RNLS: variants seen among roughly 807,000 people sequenced by gnomAD.
RNLS encodes renalase, FAD dependent amine oxidase.
RNLS carries 39 observed loss-of-function variants against 39.8 expected under a neutral mutation model. That is an observed-to-expected ratio of 0.98 (90% CI 0.76 to 1.28). The LOEUF is 1.28. Among genes scored for constraint, RNLS ranks in the 50% most tolerant of loss-of-function variants. RNLS has a pLI of 0.00. For missense variants in RNLS, 410 were observed against 413.3 expected, an observed-to-expected ratio of 0.99 and a Z score of 0.07; for synonymous variants, 147 against 150.7, an observed-to-expected ratio of 0.98 and a Z score of 0.18.
At chr10:88,345,811 G>A (rs1471897962) in intron 5 of RNLS, among the ~76,000 whole-genome samples, 1 of 152,104 alleles carries the variant, frequency 6.6e-6, no homozygotes, top group Non-Finnish European at 1.5e-5. Flanking sequence ...ACATGAAAAT[G>A]CTGATATTGG....
At chr10:88,201,991 A>T in the RNLS span, among the ~76,000 whole-genome samples, 1 of 152,152 alleles carries the variant, frequency 6.6e-6, no homozygotes, top group Non-Finnish European at 1.5e-5. Context: ...ATAAAGACAC[A>T]TGCACACGTA....
chr10:88,560,971 C>CACAT (rs912766482), intron 4 of RNLS, among the ~76,000 whole-genome samples: 1 of 151,292 alleles, frequency 6.6e-6, no homozygotes, highest in African/African-American at 2.4e-5. Context: ...CACACACACA[C>CACAT]ACATACACAC....
chr10:88,570,041 T>C (rs1849734495), intron 4 of RNLS, among the ~76,000 whole-genome samples: 1 of 152,166 alleles, frequency 6.6e-6, no homozygotes, highest in South Asian at 2.1e-4. Flanking sequence ...ACCAAACTTG[T>C]ATTAAAATGC....
chr10:88,583,236 G>A lies in RNLS; in HGVS notation c.-46C>T. 6.2e-7 allele frequency: 1 copy of A among 1,606,350 alleles called. No individual in the cohort carries two copies. Among genetic ancestry groups the A allele is most frequent in the Non-Finnish European group, 8.5e-7 (1 of 1,177,450 alleles). ...CGCGCTGAGTCTCTGCGGCGGGGCC[G>A]TTCGGCCCGGGCTTTCTGGAAAGGC... On this transcript the variant is annotated 5_prime_UTR_variant, in exon 1 of 7. It adds an upstream start codon to the 5' untranslated region. Transcript: ENST00000331772.
rs1843132708 is a variant in RNLS, at chr10:88,284,381, G to A, written c.*973C>T. ...TTGCTTTTCAAATTAGCAACAGGTA[G>A]CTGGTTTGGAAGGCTGGAGATTGAT... On this transcript the variant is annotated 3_prime_UTR_variant, in exon 7 of 7. Coordinates refer to ENST00000331772, the MANE Select transcript of RNLS (RefSeq NM_001031709.3). 2 of 985,258 alleles carry A rather than the reference G, an allele frequency of 2.0e-6. No individual in the cohort carries two copies. Among genetic ancestry groups the A allele is most frequent in the African/African-American group, 3.5e-5 (2 of 57,222 alleles). The allele number at this position is 985,258 out of a possible 1,614,324, so 61.0% of individuals were successfully genotyped here.
At chr10:88,179,049 C>G in the RNLS span, among the ~76,000 whole-genome samples, 10 of 152,220 alleles carry the variant, frequency 6.6e-5, no homozygotes, top group Non-Finnish European at 1.5e-4. Context: ...GAGATGTCAT[C>G]TCTAAAAAAA....
chr10:88,551,129 G>A lies in RNLS; in HGVS notation c.526+21774C>T, dbSNP rs143919936. Among the ~76,000 whole-genome samples, 13 of 152,204 alleles carry A rather than the reference G, an allele frequency of 8.5e-5. No individual in the cohort carries two copies. In the East Asian group the frequency reaches 9.6e-4, roughly 11 times the overall value. ...AGCTGTCCACCTCCTTAACTGCGCC[G>A]TCTCTTCTTCGTGCCTGATGTCCCC... is the stretch of plus-strand genomic sequence containing the variant. On this transcript the variant is annotated intron_variant, in intron 4 of 6. Transcript: ENST00000331772.
At chr10:88,263,806 GTCT>G in the RNLS span, among the ~76,000 whole-genome samples, 27 of 152,050 alleles carry the variant, frequency 1.8e-4, no homozygotes, top group East Asian at 1.2e-3. Flanking sequence ...TAATGGCAAT[GTCT>G]TCTTCTTCTT....
chr10:88,264,473 C>T, the RNLS span, among the ~76,000 whole-genome samples: 1 of 151,490 alleles, frequency 6.6e-6, no homozygotes, highest in Non-Finnish European at 1.5e-5. Flanking sequence ...CACATCCCCA[C>T]CAACATCTAT....
the RNLS span, among the ~76,000 whole-genome samples, chr10:88,225,036 A>G: frequency 6.6e-6 from 1 of 152,242 alleles, no homozygotes; most frequent in Admixed American, 6.5e-5. Flanking sequence ...TCAGGCTACA[A>G]TAGGAAGTAT....
intron 5 of RNLS, among the ~76,000 whole-genome samples, chr10:88,358,821 T>C (rs1849400788): frequency 6.6e-6 from 1 of 152,230 alleles, no homozygotes. Flanking sequence ...TTCTATATCC[T>C]CTAGCTCTCT....
chr10:88,213,715 T>C, the RNLS span, among the ~76,000 whole-genome samples: 1 of 152,192 alleles, frequency 6.6e-6, no homozygotes. Flanking sequence ...GTTATTTTTA[T>C]CTGAAGGTAC....
At chr10:88,454,148 A>C (rs1842495838) in intron 4 of RNLS, among the ~76,000 whole-genome samples, 2 of 152,232 alleles carry the variant, frequency 1.3e-5, no homozygotes, top group Admixed American at 1.3e-4. Context: ...GAGTCCATGA[A>C]AGAATGGTTG....
chr10:88,410,413 A>C (rs1213316380), intron 4 of RNLS, among the ~76,000 whole-genome samples: 1 of 152,098 alleles, frequency 6.6e-6, no homozygotes, highest in Admixed American at 6.6e-5. Context: ...AAAGCCCCAA[A>C]GAGTTAAATT....
intron 4 of RNLS, among the ~76,000 whole-genome samples, chr10:88,379,597 T>C (rs1177684243): frequency 6.6e-6 from 1 of 152,184 alleles, no homozygotes; most frequent in African/African-American, 2.4e-5. Flanking sequence ...CAAAAATGGT[T>C]GCAACAATAT....
rs187403641 is a variant in RNLS, at chr10:88,574,053, A to G, written c.368-992T>C. 7.2e-4 allele frequency among the ~76,000 whole-genome samples: 110 copies of G among 152,288 alleles called. 1 individual carries two copies. The highest frequency in any genetic ancestry group is 1.2e-3 in the Admixed American group (18 of 15,298). On this transcript the variant is annotated intron_variant, in intron 3 of 6. Transcript: ENST00000331772. The stretch of plus-strand genomic sequence containing the variant: ...CTACTAAGCAGGCTAAGACACGAGA[A>G]TCGCTTGAACTCGGGAGGCAGAGGT...
rs187879824 is a variant in RNLS at position 88,284,531 on chromosome 10, G to C, written c.*823C>G. 9.6e-5 allele frequency: 95 copies of C among 985,256 alleles called. No homozygotes were observed. The highest frequency in any genetic ancestry group is 6.8e-4 in the East Asian group (6 of 8,808). 61.0% of individuals were successfully genotyped at this position (985,256 alleles called of 1,614,324 possible). A position where few individuals can be genotyped will look rare whatever the true frequency, so the allele number is the denominator to read the frequency against. On this transcript the variant is annotated 3_prime_UTR_variant, in exon 7 of 7. Transcript: ENST00000331772. ...TATTTTCTGGTTCAGTAAATTTTTT[G>C]TTGTGTTAAATTCATTAAACTCGAC...
the RNLS span, among the ~76,000 whole-genome samples, chr10:88,191,907 A>T: frequency 6.6e-6 from 1 of 151,682 alleles, no homozygotes; most frequent in South Asian, 2.1e-4. Context: ...CCATCCCTTG[A>T]TTTGTATACC....
intron 4 of RNLS, among the ~76,000 whole-genome samples, chr10:88,394,460 C>T (rs1419493913): frequency 6.6e-6 from 1 of 152,126 alleles, no homozygotes; most frequent in African/African-American, 2.4e-5. Context: ...TCATCACTGG[C>T]CATCAGAAAA....
Sources: allele counts gnomAD v4.1 joint callset (sites outside exome capture counted in the v4.1 genomes callset), GRCh38; gene constraint gnomAD v4.1.1; transcripts MANE v1.5; gene names NCBI Gene and HGNC (gene_info 2026-07-23, HGNC 2026-07-21).